MOGAT1: variants seen among roughly 807,000 people sequenced by gnomAD.
The protein encoded by MOGAT1 is 2-acylglycerol O-acyltransferase 1.
MOGAT1 carries 32 observed loss-of-function variants against 31.4 expected under a neutral mutation model. The ratio of observed to expected loss-of-function variants is 1.02; its 90% CI spans 0.77 to 1.37. The LOEUF (loss-of-function observed/expected upper bound fraction) is 1.37. Ranked by LOEUF, MOGAT1 falls within the 40% of genes most tolerant of loss-of-function variation. The pLI is 0.00. For synonymous variants in MOGAT1, 145 were observed against 144.5 expected (o/e 1.00, Z -0.03); for missense variants, 426 against 402.0 (o/e 1.06, Z -0.51).
At chr2:222,685,969 C>T (rs1392995068) in intron 1 of MOGAT1, among the ~76,000 whole-genome samples, 5 of 152,018 alleles carry the variant, frequency 3.3e-5, no homozygotes, top group East Asian at 1.9e-4. Flanking sequence ...TTCAGGTAGC[C>T]GGGGTTCGGT....
intron 1 of MOGAT1, among the ~76,000 whole-genome samples, chr2:222,679,936 G>A (rs1203317766): frequency 6.6e-6 from 1 of 152,192 alleles, no homozygotes; most frequent in Non-Finnish European, 1.5e-5. Context: ...AACCTGAAGT[G>A]ACATGACAAT....
chr2:222,677,919 C>A, intron 1 of MOGAT1: 4 of 271,032 alleles, frequency 1.5e-5, no homozygotes, highest in South Asian at 1.0e-4. Flanking sequence ...CAAATAAAAT[C>A]ATTGGAAACT....
chr2:222,695,283 C>T lies in MOGAT1; in HGVS notation c.848C>T (p.Thr283Ile). The stretch of plus-strand genomic sequence containing the variant: ...ATGACCTATAGGAAAGCCATCCACA[C>T]TGTTGGTATGTACATAAAATAACTA... The part of the protein sequence containing the change: ...GLMTYRKAIH[T>I]VVGRPIPVRQ... The change falls in exon 5 of 6, where the codon ACT becomes ATT. Residue 283 changes from threonine (T) to isoleucine (I), a missense_variant. Thr to Ile is a moderately conservative substitution (Grantham distance 89). Transcript: ENST00000446656. 1.2e-6 allele frequency: 2 copies of T among 1,603,778 alleles called. No homozygotes were observed. Among genetic ancestry groups the T allele is most frequent in the Non-Finnish European group, 1.7e-6 (2 of 1,172,502 alleles).
At chr2:222,674,120 C>G (rs147791638) in intron 1 of MOGAT1, among the ~76,000 whole-genome samples, 1 of 152,138 alleles carries the variant, frequency 6.6e-6, no homozygotes, top group Admixed American at 6.5e-5. Context: ...AGTGGAAAGT[C>G]GAGACACATG....
At chr2:222,694,850 G>A (rs1027042777) in intron 4 of MOGAT1, among the ~76,000 whole-genome samples, 2 of 152,162 alleles carry the variant, frequency 1.3e-5, no homozygotes, top group East Asian at 1.9e-4. Context: ...TAAAAGAGAA[G>A]TTTCCTGGAA....
rs1014373026 is a variant in MOGAT1 at position 222,709,730 on chromosome 2, T to G, written c.854-6T>G. The G allele has an allele frequency of 8.7e-6, 14 of 1,611,824 alleles. No homozygotes were observed. The highest frequency in any genetic ancestry group is 1.1e-5 in the Non-Finnish European group (13 of 1,179,144). On this transcript the variant is annotated splice_polypyrimidine_tract_variant and splice_region_variant and intron_variant, in intron 5 of 5. Coordinates refer to ENST00000446656, the MANE Select transcript of MOGAT1 (RefSeq NM_058165.3). ...CCTCACGTATGATGTATTCCCTGATTTGCAGTTGGCCGCCCGATCCCTGTT... is the reference window on the plus strand; with the variant it reads ...CCTCACGTATGATGTATTCCCTGATGTGCAGTTGGCCGCCCGATCCCTGTT...
intron 5 of MOGAT1, among the ~76,000 whole-genome samples, chr2:222,699,845 T>A (rs971975032): frequency 6.6e-6 from 1 of 152,196 alleles, no homozygotes; most frequent in African/African-American, 2.4e-5. Flanking sequence ...CGAGATGGTG[T>A]CTTGCTGAGT....
At chr2:222,702,980 T>C (rs1027955005) in intron 5 of MOGAT1, among the ~76,000 whole-genome samples, 1 of 152,148 alleles carries the variant, frequency 6.6e-6, no homozygotes, top group African/African-American at 2.4e-5. Context: ...ACAAACATGG[T>C]GTTGTAGCGG....
chr2:222,677,719 G>A, intron 1 of MOGAT1: 1 of 416,510 alleles, frequency 2.4e-6, no homozygotes, highest in Non-Finnish European at 4.8e-6. Context: ...TTCTTTCCGT[G>A]TCGATTCTGG....
At chr2:222,686,000 A>T (rs1318553864) in intron 1 of MOGAT1, among the ~76,000 whole-genome samples, 1 of 152,180 alleles carries the variant, frequency 6.6e-6, no homozygotes, top group African/African-American at 2.4e-5. Context: ...TTGAATTAGT[A>T]GCTTGGGGAC....
At chr2:222,700,167 C>T (rs1692899396) in intron 5 of MOGAT1, among the ~76,000 whole-genome samples, 1 of 152,186 alleles carries the variant, frequency 6.6e-6, no homozygotes, top group Non-Finnish European at 1.5e-5. Flanking sequence ...TAACCATATG[C>T]TCACATGAAA....
At chr2:222,688,800 G>C (rs1457708933) in intron 2 of MOGAT1, among the ~76,000 whole-genome samples, 1 of 152,084 alleles carries the variant, frequency 6.6e-6, no homozygotes. Flanking sequence ...GGGCAGGAGA[G>C]GGCAAAAAAG....
chr2:222,673,055 A>C (rs915532225), intron 1 of MOGAT1, among the ~76,000 whole-genome samples: 1 of 151,800 alleles, frequency 6.6e-6, no homozygotes, highest in Non-Finnish European at 1.5e-5. Context: ...CTGGGGTTAC[A>C]GGCATGTGCC....
chr2:222,709,785 G>A lies in MOGAT1; in HGVS notation c.903G>A (p.Gln301=). ...VRQTLNPTQE[Q]IEELHQTYME... ...AGACTCTGAACCCGACCCAGGAGCAGATTGAGGAGTTACATCAGACCTATA... is the reference window on the plus strand; with the variant it reads ...AGACTCTGAACCCGACCCAGGAGCAAATTGAGGAGTTACATCAGACCTATA... Residue 301 remains glutamine (Q), a synonymous_variant, in exon 6 of 6, where the codon CAG becomes CAA. Coordinates refer to ENST00000446656, the MANE Select transcript of MOGAT1 (RefSeq NM_058165.3). 2 of 1,613,608 alleles carry A rather than the reference G, an allele frequency of 1.2e-6. No homozygotes were observed. The highest frequency in any genetic ancestry group is 1.7e-6 in the Non-Finnish European group (2 of 1,179,700).
At chr2:222,680,850 T>C (rs957860882) in intron 1 of MOGAT1, among the ~76,000 whole-genome samples, 10 of 152,250 alleles carry the variant, frequency 6.6e-5, no homozygotes, top group Admixed American at 2.0e-4. Context: ...TTCTTAATTA[T>C]GGTCATTATT....
chr2:222,675,615 G>T (rs912360851), intron 1 of MOGAT1, among the ~76,000 whole-genome samples: 2 of 151,750 alleles, frequency 1.3e-5, no homozygotes, highest in African/African-American at 2.4e-5. Flanking sequence ...GAGTATCTGG[G>T]ACTACAGGCG....
chr2:222,685,598 CTT>C (rs574124301), intron 1 of MOGAT1, among the ~76,000 whole-genome samples: 10 of 119,970 alleles, frequency 8.3e-5, no homozygotes, highest in African/African-American at 1.6e-4. Flanking sequence ...TCTTCTTCTT[CTT>C]TTTTTTTTTT....
chr2:222,676,651 C>T (rs530019418), intron 1 of MOGAT1, among the ~76,000 whole-genome samples: 74 of 152,250 alleles, frequency 4.9e-4, no homozygotes, highest in African/African-American at 9.6e-4. Flanking sequence ...TTAACTTTTC[C>T]AGAAACCACC....
At chr2:222,676,135 G>A (rs933604521) in intron 1 of MOGAT1, among the ~76,000 whole-genome samples, 2 of 150,320 alleles carry the variant, frequency 1.3e-5, no homozygotes, top group Non-Finnish European at 3.0e-5. Flanking sequence ...CCCTTCCCAA[G>A]CAACCACTGA....
Sources: gnomAD v4.1 joint callset for allele counts (sites outside exome capture counted in the v4.1 genomes callset) on GRCh38, gnomAD v4.1.1 for gene constraint, MANE v1.5 for transcripts, NCBI Gene and HGNC (gene_info 2026-07-23, HGNC 2026-07-21) for gene names.